The following GNG12 variants were observed in gnomAD, a reference collection of about 807,000 sequenced individuals.
GNG12 encodes the protein G protein subunit gamma 12, also known as guanine nucleotide-binding protein G(I)/G(S)/G(O) subunit gamma-12.
For synonymous variants in GNG12, 28 were observed against 29.7 expected (o/e 0.94, Z 0.19); for missense variants, 69 against 83.8 (o/e 0.82, Z 0.69).
chr1:67,755,253 G>A (rs1646561446), intron 2 of GNG12, among the ~76,000 whole-genome samples: 1 of 152,204 alleles, frequency 6.6e-6, no homozygotes, highest in Non-Finnish European at 1.5e-5. Context: ...ACTACATGTG[G>A]ACTTCTTTTT....
chr1:67,812,087 T>C (rs1646929441), intron 1 of GNG12, among the ~76,000 whole-genome samples: 1 of 152,204 alleles, frequency 6.6e-6, no homozygotes, highest in Non-Finnish European at 1.5e-5. Flanking sequence ...GAATGCCAAG[T>C]TAAGCAAGTT....
intron 1 of GNG12, among the ~76,000 whole-genome samples, chr1:67,832,765 G>A (rs7537276): frequency 0.29 from 44,367 of 152,032 alleles, 6,626 homozygotes; most frequent in Middle Eastern, 0.46. Context: ...TTCCCTGCTA[G>A]ACCCCCAGCG....
chr1:67,763,125 A>G (rs1044592859), intron 2 of GNG12, among the ~76,000 whole-genome samples: 1 of 31,740 alleles, frequency 3.2e-5, no homozygotes, highest in Non-Finnish European at 7.8e-5. Flanking sequence ...GAGAGAATCA[A>G]TATGAAGTTT....
chr1:67,756,655 GCCT>G lies in GNG12; in HGVS notation c.-27+20800_-27+20802del, dbSNP rs981883485. ...GCATATGTGTGTGATGTGACGCTCC[GCCT>G]CCTCATTTACCACATCTCACAGTTA... On this transcript the variant is annotated intron_variant, in intron 2 of 3. Coordinates refer to ENST00000370982, the MANE Select transcript of GNG12 (RefSeq NM_018841.6). Among the ~76,000 whole-genome samples, 38 of 152,256 alleles carry G rather than the reference GCCT, an allele frequency of 2.5e-4. No homozygotes were observed. In the East Asian group the frequency reaches 2.9e-3, roughly 12 times the overall value.
At chr1:67,812,160 C>T (rs1646929739) in intron 1 of GNG12, among the ~76,000 whole-genome samples, 1 of 152,134 alleles carries the variant, frequency 6.6e-6, no homozygotes, top group African/African-American at 2.4e-5. Flanking sequence ...TGTCTCCCAG[C>T]TCATATTTCA....
At chr1:67,831,849 T>C (rs1486326756) in intron 1 of GNG12, among the ~76,000 whole-genome samples, 3 of 152,166 alleles carry the variant, frequency 2.0e-5, no homozygotes, top group Admixed American at 6.5e-5. Context: ...AATAGTAAAA[T>C]TCAATCCCGT....
intron 1 of GNG12, among the ~76,000 whole-genome samples, chr1:67,789,216 C>A (rs1014013229): frequency 6.6e-6 from 1 of 152,128 alleles, no homozygotes; most frequent in Non-Finnish European, 1.5e-5. Flanking sequence ...AGGCATCCCC[C>A]CAGGAAGCTC....
intron 2 of GNG12, among the ~76,000 whole-genome samples, chr1:67,755,038 T>G (rs1281461008): frequency 6.6e-6 from 1 of 152,216 alleles, no homozygotes; most frequent in Non-Finnish European, 1.5e-5. Flanking sequence ...GAGGTTGGCT[T>G]GGGAATTTTG....
rs149258692 is a variant in GNG12 at position 67,715,692 on chromosome 1, G to A, written c.-26-7980C>T. Among the ~76,000 whole-genome samples the A allele has an allele frequency of 3.2e-4, 49 of 152,130 alleles. 1 individual carries two copies. In the East Asian group the frequency reaches 9.3e-3, roughly 29 times the overall value. ...AGTTGTTCCCAGGGACTGTATCGTGGGCCTGCTCCTCCAGCCCCTTCCAAT... is the reference window on the plus strand; with the variant it reads ...AGTTGTTCCCAGGGACTGTATCGTGAGCCTGCTCCTCCAGCCCCTTCCAAT... On this transcript the variant is annotated intron_variant, in intron 2 of 3. Coordinates refer to ENST00000370982, the MANE Select transcript of GNG12 (RefSeq NM_018841.6).
chr1:67,764,595 G>A (rs1333613188), intron 2 of GNG12, among the ~76,000 whole-genome samples: 1 of 152,186 alleles, frequency 6.6e-6, no homozygotes, highest in Non-Finnish European at 1.5e-5. Flanking sequence ...TAATGAATGA[G>A]ACTGTCTCAA....
rs1279246951 is a variant in GNG12, at chr1:67,763,118, A to AGAGAGAGAGAGAGAGAGAGG, written c.-27+14339_-27+14340insCCTCTCTCTCTCTCTCTCTC. ...GAGAGAGAGAGAGAGAGAGAGAGAGAGAATCAATATGAAGTTTTACTCCTA... is the reference window on the plus strand; with the variant it reads ...GAGAGAGAGAGAGAGAGAGAGAGAGAGAGAGAGAGAGAGAGAGAGGGAATCAATATGAAGTTTTACTCCTA... On this transcript the variant is annotated intron_variant, in intron 2 of 3. Coordinates refer to ENST00000370982, the MANE Select transcript of GNG12 (RefSeq NM_018841.6). Among the ~76,000 whole-genome samples the AGAGAGAGAGAGAGAGAGAGG allele has an allele frequency of 7.2e-5, 11 of 151,808 alleles. No homozygotes were observed. In the South Asian group the frequency reaches 1.0e-3, roughly 14 times the overall value.
intron 1 of GNG12, among the ~76,000 whole-genome samples, chr1:67,808,927 A>T (rs1010556134): frequency 2.0e-5 from 3 of 152,170 alleles, no homozygotes; most frequent in Non-Finnish European, 4.4e-5. Flanking sequence ...TATTTTATGG[A>T]TATAAACAAA....
At chr1:67,734,151 T>C (rs1370902688) in intron 2 of GNG12, among the ~76,000 whole-genome samples, 1 of 151,774 alleles carries the variant, frequency 6.6e-6, no homozygotes, top group Non-Finnish European at 1.5e-5. Context: ...GAGTGTGTGT[T>C]ATTCCTGACT....
chr1:67,767,031 T>C (rs983034264), intron 2 of GNG12, among the ~76,000 whole-genome samples: 4 of 152,224 alleles, frequency 2.6e-5, no homozygotes, highest in Non-Finnish European at 5.9e-5. Flanking sequence ...TAGATCGTTT[T>C]TGTGGGTTCT....
chr1:67,703,513 AG>A lies in GNG12; in HGVS notation c.*1937del, dbSNP rs1646227208. 6.6e-6 allele frequency: 1 copy of A among 152,244 alleles called. No homozygotes were observed. Among genetic ancestry groups the A allele is most frequent in the Admixed American group, 6.5e-5 (1 of 15,284 alleles). 9.4% of individuals were successfully genotyped at this position (152,244 alleles called of 1,614,324 possible). On this transcript the variant is annotated 3_prime_UTR_variant, in exon 4 of 4. Coordinates refer to ENST00000370982, the MANE Select transcript of GNG12 (RefSeq NM_018841.6). ...GTAGAAAAATAGACTTATAAAAAAA[AG>A]AATGTCTCATTAAGTGAAGCATTAA...
chr1:67,758,112 C>T lies in GNG12; in HGVS notation c.-27+19346G>A, dbSNP rs778996829. 2.0e-5 allele frequency among the ~76,000 whole-genome samples: 3 copies of T among 152,166 alleles called. 1 individual carries two copies. The highest frequency in any genetic ancestry group is 4.8e-5 in the African/African-American group (2 of 41,426). On this transcript the variant is annotated intron_variant, in intron 2 of 3. Coordinates refer to ENST00000370982, the MANE Select transcript of GNG12 (RefSeq NM_018841.6). ...TCAGCCTCCCGAGGAGCTGGGATTACAGGCACCCACGACCACACCCCTGGC... is the reference window on the plus strand; with the variant it reads ...TCAGCCTCCCGAGGAGCTGGGATTATAGGCACCCACGACCACACCCCTGGC...
intron 1 of GNG12, among the ~76,000 whole-genome samples, chr1:67,781,848 A>C (rs1449227142): frequency 6.6e-6 from 1 of 152,178 alleles, no homozygotes; most frequent in Non-Finnish European, 1.5e-5. Flanking sequence ...GGAAGAAAAA[A>C]ATCAAGAATT....
Position 67,833,412 on chromosome 1 carries a change from C to A in GNG12, c.-145G>T, listed in dbSNP as rs1159539270. ...TCTCTAAGGGCTCCTGGAGACGGCTCCGACCTCTCCTCCTCCTCCTCCTCT... is the reference window on the plus strand; with the variant it reads ...TCTCTAAGGGCTCCTGGAGACGGCTACGACCTCTCCTCCTCCTCCTCCTCT... On this transcript the variant is annotated 5_prime_UTR_variant, in exon 1 of 4. Transcript: ENST00000370982. The A allele has an allele frequency of 1.0e-6, 1 of 985,390 alleles. No homozygotes were observed. The highest frequency in any genetic ancestry group is 1.7e-5 in the African/African-American group (1 of 57,266). The allele number at this position is 985,390 out of a possible 1,614,324, so 61.0% of individuals were successfully genotyped here.
chr1:67,764,975 TC>T (rs1328068329), intron 2 of GNG12, among the ~76,000 whole-genome samples: 1 of 152,156 alleles, frequency 6.6e-6, no homozygotes, highest in East Asian at 1.9e-4. Flanking sequence ...GCAATTAGTT[TC>T]CAAACACTTG....
Sources: allele counts gnomAD v4.1 joint callset (sites outside exome capture counted in the v4.1 genomes callset), GRCh38; gene constraint gnomAD v4.1.1; transcripts MANE v1.5; gene names NCBI Gene and HGNC (gene_info 2026-07-23, HGNC 2026-07-21).